The following OPRD1 variants were observed in gnomAD, a reference collection of about 807,000 sequenced individuals.
The protein encoded by OPRD1 is opioid receptor delta 1, also known as delta-type opioid receptor.
OPRD1 carries 19 observed loss-of-function variants against 17.5 expected under a neutral mutation model. The ratio of observed to expected loss-of-function variants is 1.09; its 90% CI spans 0.76 to 1.60. The LOEUF is 1.60. OPRD1 is among the 40% of genes most tolerant of loss of function. The probability of loss-of-function intolerance (pLI) is 0.00; values close to 1 mark genes in which losing one functional copy is unlikely to be tolerated. For missense variants in OPRD1, 483 were observed against 547.2 expected (o/e 0.88, Z 1.17); for synonymous variants, 256 against 240.9 (o/e 1.06, Z -0.58).
chr1:28,814,258 A>T (rs2088655096), intron 1 of OPRD1, among the ~76,000 whole-genome samples: 1 of 152,170 alleles, frequency 6.6e-6, no homozygotes, highest in Admixed American at 6.5e-5. Flanking sequence ...TGAATCACTT[A>T]GCCTCTTTGA....
intron 1 of OPRD1, among the ~76,000 whole-genome samples, chr1:28,839,627 G>A (rs1426515678): frequency 1.3e-5 from 2 of 152,090 alleles, no homozygotes; most frequent in Non-Finnish European, 2.9e-5. Flanking sequence ...TGTTGCTGTT[G>A]TTGTTACTGT....
chr1:28,853,873 C>A (rs1214782210), intron 1 of OPRD1, among the ~76,000 whole-genome samples: 1 of 151,598 alleles, frequency 6.6e-6, no homozygotes, highest in African/African-American at 2.4e-5. Flanking sequence ...TCCTGAGTAG[C>A]TGGGATTACG....
intron 1 of OPRD1, 83 bp downstream of exon 1, chr1:28,812,693 C>G: frequency 1.7e-6 from 2 of 1,202,524 alleles, no homozygotes; most frequent in South Asian, 3.6e-5. Context: ...CAAGCCCGTT[C>G]CCTGGACTCC....
chr1:28,813,935 C>A (rs1208883776), intron 1 of OPRD1, among the ~76,000 whole-genome samples: 1 of 152,108 alleles, frequency 6.6e-6, no homozygotes, highest in Non-Finnish European at 1.5e-5. Flanking sequence ...AGTATGAATT[C>A]CAGGGTATGG....
rs572485582 is a variant in OPRD1 at position 28,863,366 on chromosome 1, T to C, written c.*83T>C. On this transcript the variant is annotated 3_prime_UTR_variant, in exon 3 of 3. Coordinates refer to ENST00000234961, the MANE Select transcript of OPRD1 (RefSeq NM_000911.4). ...CCAGTGGGAGGCGCGAGCCATGATG[T>C]GGAGTGGGGCAGTAGAAGGTCGGAG... is the stretch of plus-strand genomic sequence containing the variant. The C allele has an allele frequency of 3.4e-5, 46 of 1,358,822 alleles. No individual in the cohort carries two copies. The highest frequency in any genetic ancestry group is 6.7e-6 in the Non-Finnish European group (7 of 1,052,206). The allele number at this position is 1,358,822 out of a possible 1,614,324, so 84.2% of individuals were successfully genotyped here.
chr1:28,835,097 T>C (rs2236857), intron 1 of OPRD1, among the ~76,000 whole-genome samples: 42,436 of 152,138 alleles, frequency 0.28, 6,185 homozygotes, highest in Middle Eastern at 0.42. Context: ...AGACAGCATG[T>C]CACTAGGTGT....
At chr1:28,852,852 G>A (rs1026480277) in intron 1 of OPRD1, among the ~76,000 whole-genome samples, 9 of 152,170 alleles carry the variant, frequency 5.9e-5, no homozygotes, top group African/African-American at 2.2e-4. Context: ...CCGAGTTGCT[G>A]AGACTACAGG....
intron 1 of OPRD1, among the ~76,000 whole-genome samples, chr1:28,839,287 C>G (rs953270161): frequency 2.0e-5 from 3 of 152,126 alleles, no homozygotes; most frequent in Non-Finnish European, 4.4e-5. Flanking sequence ...ATTTCTGCTT[C>G]CCTCTTCACA....
intron 1 of OPRD1, among the ~76,000 whole-genome samples, chr1:28,820,792 T>A (rs1310027923): frequency 1.3e-5 from 2 of 151,752 alleles, no homozygotes; most frequent in Admixed American, 6.6e-5. Context: ...CAGTCCAGCC[T>A]GGGCAACAAA....
rs543729900 is a variant in OPRD1 at position 28,862,933 on chromosome 1, C to A, written c.769C>A (p.Arg257=). 2.5e-6 allele frequency: 4 copies of A among 1,612,338 alleles called. No individual in the cohort carries two copies. Among genetic ancestry groups the A allele is most frequent in the Non-Finnish European group, 3.4e-6 (4 of 1,179,758 alleles). ...CTCCAAGGAGAAGGACCGCAGCCTGCGGCGCATCACGCGCATGGTGCTGGT... is the reference window on the plus strand; with the variant it reads ...CTCCAAGGAGAAGGACCGCAGCCTGAGGCGCATCACGCGCATGGTGCTGGT... ...SGSKEKDRSL[R]RITRMVLVVV... Residue 257 remains arginine (R), a synonymous_variant, in exon 3 of 3, where the codon CGG becomes AGG. Transcript: ENST00000234961.
At chr1:28,816,727 GGC>G (rs1280271219) in intron 1 of OPRD1, among the ~76,000 whole-genome samples, 2 of 152,056 alleles carry the variant, frequency 1.3e-5, no homozygotes, top group Non-Finnish European at 2.9e-5. Flanking sequence ...GACTCGTGCT[GGC>G]CATGGGGATG....
intron 1 of OPRD1, among the ~76,000 whole-genome samples, chr1:28,824,569 C>T (rs1368356628): frequency 6.6e-6 from 1 of 151,790 alleles, no homozygotes; most frequent in Non-Finnish European, 1.5e-5. Context: ...CCGCCCGCCT[C>T]GGCCTCCCAA....
chr1:28,814,296 C>T (rs1218057415), intron 1 of OPRD1, among the ~76,000 whole-genome samples: 2 of 152,262 alleles, frequency 1.3e-5, no homozygotes, highest in African/African-American at 2.4e-5. Flanking sequence ...TGTAGAATGA[C>T]GTAATGATAA....
At chr1:28,838,199 A>G (rs559857977) in intron 1 of OPRD1, among the ~76,000 whole-genome samples, 66 of 152,212 alleles carry the variant, frequency 4.3e-4, no homozygotes, top group African/African-American at 1.4e-3. Flanking sequence ...GACCTACCCT[A>G]TGCTGGTTAA....
At position 28,812,459 on chromosome 1, in the gene OPRD1, G is replaced by T; in HGVS notation, c.76G>T (p.Ala26Ser). The change falls in exon 1 of 3, where the codon GCC becomes TCC. Residue 26 changes from alanine to serine, a missense_variant. Physicochemically the swap from Ala to Ser is moderately conservative, Grantham distance 99. Coordinates refer to ENST00000234961, the MANE Select transcript of OPRD1 (RefSeq NM_000911.4). Reference sequence around the variant, plus strand: ...CAACGCCTCGGACGCCTACCCTAGCGCCTGCCCCAGCGCTGGCGCCAATGC... The same window carrying T: ...CAACGCCTCGGACGCCTACCCTAGCTCCTGCCCCAGCGCTGGCGCCAATGC... ...FANASDAYPS[A>S]CPSAGANASG... is the part of the protein sequence containing the mutation. The T allele has an allele frequency of 2.6e-6, 4 of 1,519,894 alleles. No homozygotes were observed. The highest frequency in any genetic ancestry group is 3.5e-6 in the Non-Finnish European group (4 of 1,140,832). The allele number at this position is 1,519,894 out of a possible 1,614,324, so 94.2% of individuals were successfully genotyped here.
chr1:28,822,470 G>A (rs1001902046), intron 1 of OPRD1, among the ~76,000 whole-genome samples: 1 of 151,758 alleles, frequency 6.6e-6, no homozygotes, highest in African/African-American at 2.4e-5. Flanking sequence ...TTTGTTTATC[G>A]ATTGATTGAT....
chr1:28,816,895 C>T (rs1441474490), intron 1 of OPRD1, among the ~76,000 whole-genome samples: 3 of 152,070 alleles, frequency 2.0e-5, no homozygotes, highest in Non-Finnish European at 2.9e-5. Flanking sequence ...CAGGTGACCC[C>T]CTCTTCCTCC....
chr1:28,812,636 C>T (rs774447064), intron 1 of OPRD1, 26 bp downstream of exon 1: 1 of 1,467,152 alleles, frequency 6.8e-7, no homozygotes, highest in Non-Finnish European at 9.0e-7. Context: ...GCCGGCGCCG[C>T]AGGGCTGGAG....
At position 28,863,232 on chromosome 1, in the gene OPRD1, T is replaced by G; in HGVS notation, c.1068T>G (p.Arg356=). 6.4e-7 allele frequency: 1 copy of G among 1,559,504 alleles called. No individual in the cohort carries two copies. Among genetic ancestry groups the G allele is most frequent in the Non-Finnish European group, 8.6e-7 (1 of 1,160,882 alleles). ...SRAREATARE[R]VTACTPSDGP... ...CCCGCGAAGCCACGGCCCGCGAGCGTGTCACCGCCTGCACCCCGTCCGATG... is the reference window on the plus strand; with the variant it reads ...CCCGCGAAGCCACGGCCCGCGAGCGGGTCACCGCCTGCACCCCGTCCGATG... The change falls in exon 3 of 3, where the codon CGT becomes CGG. Residue 356 remains arginine, a synonymous_variant. Transcript: ENST00000234961.
Sources: allele counts gnomAD v4.1 joint callset (sites outside exome capture counted in the v4.1 genomes callset), GRCh38; gene constraint gnomAD v4.1.1; transcripts MANE v1.5; gene names NCBI Gene and HGNC (gene_info 2026-07-23, HGNC 2026-07-21).